CDYL2: variants seen among roughly 807,000 people sequenced by gnomAD.
CDYL2 encodes chromodomain Y like 2.
A neutral mutation model predicts 49.4 loss-of-function variants in CDYL2; 23 were observed. The ratio of observed to expected loss-of-function variants is 0.47; its 90% CI spans 0.34 to 0.66. The LOEUF is 0.66. Among genes scored for constraint, CDYL2 ranks in the 30% least tolerant of loss-of-function variants. The pLI is 0.01. For missense variants in CDYL2, 678 were observed against 656.4 expected, an observed-to-expected ratio of 1.03 and a Z score of -0.36; for synonymous variants, 360 against 268.8, an observed-to-expected ratio of 1.34 and a Z score of -3.32.
At chr16:80,725,425 C>A (rs1905133750) in intron 1 of CDYL2, among the ~76,000 whole-genome samples, 1 of 152,230 alleles carries the variant, frequency 6.6e-6, no homozygotes, top group East Asian at 1.9e-4. Context: ...TACCCCTAGA[C>A]TGCAAGCCCC....
intron 1 of CDYL2, among the ~76,000 whole-genome samples, chr16:80,739,553 A>G (rs1905659949): frequency 6.6e-6 from 1 of 152,192 alleles, no homozygotes. Context: ...AGCGGGGCAG[A>G]TTCACACAGC....
At chr16:80,723,223 G>A (rs117678206) in intron 1 of CDYL2, among the ~76,000 whole-genome samples, 66 of 152,264 alleles carry the variant, frequency 4.3e-4, no homozygotes, top group East Asian at 1.7e-3. Flanking sequence ...ATCTCCTCTC[G>A]GAGCTTTTCC....
intron 1 of CDYL2, among the ~76,000 whole-genome samples, chr16:80,740,300 C>A (rs1371122783): frequency 6.6e-6 from 1 of 152,120 alleles, no homozygotes; most frequent in African/African-American, 2.4e-5. Context: ...TATTCTCATT[C>A]TTTATTTTCA....
intron 3 of CDYL2, among the ~76,000 whole-genome samples, chr16:80,628,701 G>A (rs16953741): frequency 0.034 from 5,102 of 152,260 alleles, 91 homozygotes; most frequent in Non-Finnish European, 0.038. Context: ...AATCCCACAA[G>A]AGCTAAAATA....
chr16:80,677,797 T>C (rs140488141), intron 2 of CDYL2, among the ~76,000 whole-genome samples: 4,118 of 151,566 alleles, frequency 0.027, 90 homozygotes, highest in African/African-American at 0.057. Flanking sequence ...GAGCCCACAT[T>C]GCCAAGTCAA....
At chr16:80,746,524 A>G (rs920195104) in intron 1 of CDYL2, among the ~76,000 whole-genome samples, 2 of 152,184 alleles carry the variant, frequency 1.3e-5, no homozygotes, top group African/African-American at 2.4e-5. Flanking sequence ...ACTGTTCTAA[A>G]TCAGTACTGA....
intron 5 of CDYL2, among the ~76,000 whole-genome samples, chr16:80,610,666 C>A (rs1906553685): frequency 6.6e-6 from 1 of 152,166 alleles, no homozygotes; most frequent in Non-Finnish European, 1.5e-5. Flanking sequence ...GGGCAAGTCA[C>A]TTAACGTCAC....
chr16:80,712,119 GTGTATATATA>G (rs1904627348), intron 1 of CDYL2, among the ~76,000 whole-genome samples: 1 of 144,100 alleles, frequency 6.9e-6, no homozygotes, highest in East Asian at 2.0e-4. Context: ...GTGTATATAT[GTGTATATATA>G]TGTGTGTACA....
chr16:80,627,676 C>T (rs1907363621), intron 3 of CDYL2: 2 of 152,192 alleles, frequency 1.3e-5, no homozygotes, highest in South Asian at 2.1e-4. Flanking sequence ...CATTCTGTTT[C>T]CTTCTTAAAC....
At chr16:80,707,378 T>C (rs556929733) in intron 1 of CDYL2, among the ~76,000 whole-genome samples, 108 of 152,188 alleles carry the variant, frequency 7.1e-4, no homozygotes, top group Middle Eastern at 3.4e-3. Flanking sequence ...GGAGGATCAC[T>C]TGAACCTGGG....
At chr16:80,803,981 G>T (rs1357505517) in intron 1 of CDYL2, among the ~76,000 whole-genome samples, 169 bp downstream of exon 1, 1 of 135,746 alleles carries the variant, frequency 7.4e-6, no homozygotes, top group Non-Finnish European at 1.6e-5. Flanking sequence ...GGCGGCGGGC[G>T]GGAGGCGCGC....
rs766488547 is a variant in CDYL2 at position 80,633,254 on chromosome 16, A to T, written c.617-18T>A. On this transcript the variant is annotated intron_variant, in intron 2 of 6. Transcript: ENST00000570137. ...AGCAGAGCCTTCCAAAACCAGATAA[A>T]CAATGTAAGAAACTGAAATGGACCA... 3 of 1,605,160 alleles carry T rather than the reference A, an allele frequency of 1.9e-6. No individual in the cohort carries two copies. Among genetic ancestry groups the T allele is most frequent in the East Asian group, 2.2e-5 (1 of 44,644 alleles).
chr16:80,669,364 G>C (rs1397637256), intron 2 of CDYL2, among the ~76,000 whole-genome samples: 2 of 152,208 alleles, frequency 1.3e-5, no homozygotes, highest in African/African-American at 4.8e-5. Context: ...ATGGAAAGTG[G>C]CTCTGCCCTC....
intron 2 of CDYL2, among the ~76,000 whole-genome samples, chr16:80,672,136 G>C (rs998798756): frequency 4.3e-4 from 65 of 152,084 alleles, no homozygotes; most frequent in Non-Finnish European, 1.8e-4. Flanking sequence ...GAAAGTTCTG[G>C]ATTTTGGAGC....
At chr16:80,667,929 C>T (rs555055512) in intron 2 of CDYL2, among the ~76,000 whole-genome samples, 3 of 152,352 alleles carry the variant, frequency 2.0e-5, no homozygotes, top group South Asian at 4.1e-4. Flanking sequence ...CCCTGACTCG[C>T]CACCACTGTT....
chr16:80,639,902 A>G (rs991707566), intron 2 of CDYL2, among the ~76,000 whole-genome samples: 2 of 152,200 alleles, frequency 1.3e-5, no homozygotes, highest in Admixed American at 6.5e-5. Context: ...CGTCTACCCA[A>G]TGACGGAGCA....
chr16:80,679,697 T>G (rs773651284), intron 2 of CDYL2: 1 of 456,118 alleles, frequency 2.2e-6, no homozygotes, highest in Middle Eastern at 3.3e-4. Flanking sequence ...CAACTCCAGG[T>G]GCAGAGCACA....
In CDYL2 at chr16:80,633,891, A is replaced by C. The variant is rs142056898; in HGVS notation, c.617-655T>G. 3.3e-5 allele frequency among the ~76,000 whole-genome samples: 5 copies of C among 152,310 alleles called. No homozygotes were observed. In the East Asian group the frequency reaches 9.7e-4, roughly 29 times the overall value. On this transcript the variant is annotated intron_variant, in intron 2 of 6. Transcript: ENST00000570137. ...GAAAGTGCCCTCCTGAAAAGGTTTGAAAACTAAAAACAGAATGATCCAGAT... is the reference window on the plus strand; with the variant it reads ...GAAAGTGCCCTCCTGAAAAGGTTTGCAAACTAAAAACAGAATGATCCAGAT...
intron 1 of CDYL2, among the ~76,000 whole-genome samples, chr16:80,738,030 C>T (rs970015592): frequency 6.6e-6 from 1 of 152,006 alleles, no homozygotes; most frequent in Non-Finnish European, 1.5e-5. Flanking sequence ...CCCCCAGCCC[C>T]CCGACAGGCC....
Sources: allele counts gnomAD v4.1 joint callset (sites outside exome capture counted in the v4.1 genomes callset), GRCh38; gene constraint gnomAD v4.1.1; transcripts MANE v1.5; gene names NCBI Gene and HGNC (gene_info 2026-07-23, HGNC 2026-07-21).